The following ACSM1 variants were observed in gnomAD, a reference collection of about 807,000 sequenced individuals.
ACSM1 encodes acyl-CoA synthetase medium chain family member 1, also known as acyl-coenzyme A synthetase ACSM1, mitochondrial.
Under a neutral mutation model 75.8 loss-of-function variants are expected in ACSM1, and 79 were observed. That is an observed-to-expected ratio of 1.04 (90% confidence interval 0.87 to 1.26). ACSM1 has a LOEUF of 1.26. Among genes scored for constraint, ACSM1 ranks in the 50% most tolerant of loss-of-function variants. The probability of loss-of-function intolerance (pLI) is 0.00; values close to 1 mark genes in which losing one functional copy is unlikely to be tolerated. For synonymous variants in ACSM1, 279 were observed against 265.8 expected (o/e 1.05, Z -0.48); for missense variants, 676 against 720.1 (o/e 0.94, Z 0.70).
intron 6 of ACSM1, 110 bp downstream of exon 6, chr16:20,669,717 A>T: frequency 8.9e-7 from 1 of 1,118,766 alleles, no homozygotes; most frequent in South Asian, 1.5e-5. Flanking sequence ...GCTCAGGATC[A>T]TCTTAGGCTC....
intron 10 of ACSM1, among the ~76,000 whole-genome samples, 158 bp from the exon 11 acceptor site, chr16:20,627,474 C>T (rs749232380): frequency 1.3e-5 from 2 of 152,156 alleles, no homozygotes; most frequent in Non-Finnish European, 2.9e-5. Context: ...ACATGTAGCG[C>T]ATGATGCATG....
chr16:20,672,496 A>ATATATATAT (rs1491253053), intron 4 of ACSM1, among the ~76,000 whole-genome samples: 1 of 113,492 alleles, frequency 8.8e-6, no homozygotes, highest in East Asian at 3.4e-4. Flanking sequence ...ATATATATAT[A>ATATATATAT]AAAAACATAT....
At chr16:20,661,593 A>G (rs1010568577) in intron 7 of ACSM1, among the ~76,000 whole-genome samples, 55 of 152,304 alleles carry the variant, frequency 3.6e-4, no homozygotes, top group African/African-American at 1.2e-3. Flanking sequence ...GAATCAACCC[A>G]CAATCATGCA....
At chr16:20,638,912 C>G (rs2017894244) in intron 8 of ACSM1, among the ~76,000 whole-genome samples, 1 of 152,212 alleles carries the variant, frequency 6.6e-6, no homozygotes, top group Admixed American at 6.5e-5. Flanking sequence ...GCCCACCCTC[C>G]TCCTTGTCCA....
intron 7 of ACSM1, among the ~76,000 whole-genome samples, chr16:20,652,497 A>G (rs898325268): frequency 4.6e-5 from 7 of 152,088 alleles, no homozygotes; most frequent in Non-Finnish European, 7.4e-5. Context: ...CTTGTATGGT[A>G]AATTTTTGTC....
At chr16:20,644,998 G>A in intron 7 of ACSM1, among the ~76,000 whole-genome samples, 1 of 152,204 alleles carries the variant, frequency 6.6e-6, no homozygotes, top group East Asian at 1.9e-4. Context: ...TCTCTGAAAT[G>A]AATTTGCATA....
intron 1 of ACSM1, among the ~76,000 whole-genome samples, chr16:20,692,769 A>G (rs186540983): frequency 2.0e-5 from 3 of 152,322 alleles, no homozygotes; most frequent in Non-Finnish European, 4.4e-5. Context: ...TCTGATTGGA[A>G]AGTAAGTCTT....
rs376177196 is a variant in ACSM1 at position 20,625,431 on chromosome 16, G to C, written c.1519C>G (p.Arg507Gly). 1 of 1,613,832 alleles carries C rather than the reference G, an allele frequency of 6.2e-7. No individual in the cohort carries two copies. Among genetic ancestry groups the C allele is most frequent in the African/African-American group, 1.3e-5 (1 of 74,912 alleles). Residue 507 changes from arginine (R) to glycine (G), a missense_variant, in exon 12 of 14, where the codon CGA becomes GGA. Transcript: ENST00000520010. Reference protein sequence around the residue: ...SAVVGSPDPIRGEVVKAFIVL... With the variant: ...SAVVGSPDPIGGEVVKAFIVL... ...CTCTGTGTTCTCCTCACCTCCCCTCGAATCGGGTCTGGGCTGCCCACCACG... is the reference window on the plus strand; with the variant it reads ...CTCTGTGTTCTCCTCACCTCCCCTCCAATCGGGTCTGGGCTGCCCACCACG...
At chr16:20,634,699 G>A (rs766571099) in intron 10 of ACSM1, among the ~76,000 whole-genome samples, 3 of 152,164 alleles carry the variant, frequency 2.0e-5, no homozygotes, top group Non-Finnish European at 4.4e-5. Flanking sequence ...GGAGACTGGG[G>A]CAGTGAGATG....
At chr16:20,627,422 G>A (rs1220042051) in intron 10 of ACSM1, 106 bp from the exon 11 acceptor site, 6 of 1,336,540 alleles carry the variant, frequency 4.5e-6, no homozygotes, top group Non-Finnish European at 3.9e-6. Flanking sequence ...GTTTCTACTC[G>A]GTACCTGGGC....
intron 4 of ACSM1, among the ~76,000 whole-genome samples, chr16:20,678,300 C>A (rs558626127): frequency 1.4e-4 from 21 of 152,036 alleles, no homozygotes; most frequent in Admixed American, 5.2e-4. Context: ...AAAAAACACA[C>A]AAAAAAACAG....
rs369139443 is a variant in ACSM1, at chr16:20,685,309, C to T, written c.287G>A (p.Arg96His). The change falls in exon 3 of 14, where the codon CGC becomes CAC. Residue 96 changes from arginine (R) to histidine (H), a missense_variant. Arg to His is a conservative substitution (Grantham distance 29). Coordinates refer to ENST00000520010, the MANE Select transcript of ACSM1 (RefSeq NM_001318890.3). ...CTGTGTGAAGACGTTGGCTACACGGCGGGTTAGGTCTCCCATCTCTCTGAA... is the reference window on the plus strand; with the variant it reads ...CTGTGTGAAGACGTTGGCTACACGGTGGGTTAGGTCTCCCATCTCTCTGAA... ...WSFREMGDLT[R>H]RVANVFTQTC... is the part of the protein sequence containing the mutation. 5.1e-5 allele frequency: 83 copies of T among 1,614,074 alleles called. No individual in the cohort carries two copies. The highest frequency in any genetic ancestry group is 6.6e-5 in the Non-Finnish European group (78 of 1,180,028).
intron 10 of ACSM1, among the ~76,000 whole-genome samples, chr16:20,628,513 A>G (rs1485887051): frequency 6.6e-6 from 1 of 151,972 alleles, no homozygotes; most frequent in Non-Finnish European, 1.5e-5. Flanking sequence ...AGAATGTTAT[A>G]TAAATAGAAT....
Position 20,637,431 on chromosome 16 carries a change from G to T in ACSM1, c.1137C>A (p.Tyr379Ter). The T allele has an allele frequency of 1.2e-6, 2 of 1,614,006 alleles. No homozygotes were observed. Among genetic ancestry groups the T allele is most frequent in the Non-Finnish European group, 1.7e-6 (2 of 1,180,004 alleles). ...AACCCGGCTTGATCTTCATTCCCCAGTAGGTGGCACAAATTAGTCCCTGTT... is the reference window on the plus strand; with the variant it reads ...AACCCGGCTTGATCTTCATTCCCCATTAGGTGGCACAAATTAGTCCCTGTT... ...QSETGLICAT[Y>*]WGMKIKPGFM... Residue 379 changes from tyrosine to a stop codon, truncating the protein, a stop_gained, in exon 9 of 14, where the codon TAC (tyrosine) becomes TAA (stop). Coordinates refer to ENST00000520010, the MANE Select transcript of ACSM1 (RefSeq NM_001318890.3). LOFTEE classifies it high-confidence loss of function.
intron 1 of ACSM1, among the ~76,000 whole-genome samples, chr16:20,693,755 T>C (rs1286216160): frequency 6.6e-6 from 1 of 152,224 alleles, no homozygotes. Context: ...CCAGCCCCTG[T>C]GTATATTTGA....
rs139989501 is a variant in ACSM1, at chr16:20,697,285, G to T, written c.-52+351C>A. Among the ~76,000 whole-genome samples the T allele has an allele frequency of 2.9e-3, 441 of 152,152 alleles. 3 individuals carry two copies. The highest frequency in any genetic ancestry group is 0.01 in the African/African-American group (419 of 41,508). On this transcript the variant is annotated intron_variant, in intron 1 of 13. Transcript: ENST00000520010. ...CTTTATAGAAAGTGAGCCAACTTCT[G>T]CATAGATAGAAAAGATTTCCTTCAA...
intron 7 of ACSM1, among the ~76,000 whole-genome samples, chr16:20,657,608 GT>G (rs201038837): frequency 1.1e-3 from 161 of 147,984 alleles, no homozygotes; most frequent in East Asian, 3.2e-3. Flanking sequence ...TGTGCCCAAT[GT>G]TTTTTTTTTT....
At chr16:20,628,583 T>G (rs552445229) in intron 10 of ACSM1, among the ~76,000 whole-genome samples, 8 of 152,134 alleles carry the variant, frequency 5.3e-5, no homozygotes, top group Admixed American at 5.2e-4. Context: ...CCCCCAGAGA[T>G]TCATCCAAGT....
chr16:20,660,512 G>A (rs1156935161), intron 7 of ACSM1, among the ~76,000 whole-genome samples: 2 of 152,172 alleles, frequency 1.3e-5, no homozygotes, highest in Non-Finnish European at 2.9e-5. Context: ...GTCTCAGATG[G>A]AATCATTAGT....
Sources: allele counts gnomAD v4.1 joint callset (sites outside exome capture counted in the v4.1 genomes callset), GRCh38; gene constraint gnomAD v4.1.1; transcripts MANE v1.5; gene names NCBI Gene and HGNC (gene_info 2026-07-23, HGNC 2026-07-21).